The following UGGT2 variants were observed in gnomAD, a reference collection of about 807,000 sequenced individuals.
UGGT2 encodes the protein UDP-glucose glycoprotein glucosyltransferase 2.
A neutral mutation model predicts 192.1 loss-of-function variants in UGGT2; 180 were observed. The observed-to-expected ratio is 0.94, with a 90% CI of 0.83 to 1.06. The LOEUF (loss-of-function observed/expected upper bound fraction) is 1.06, where lower values mean the gene tolerates loss of function less well. Ranked by LOEUF, UGGT2 falls within the 50% of genes least tolerant of loss-of-function variation. The pLI, the probability that UGGT2 is intolerant of heterozygous loss-of-function variation, is 0.00. For synonymous variants in UGGT2, 580 were observed against 591.0 expected (o/e 0.98, Z 0.27); for missense variants, 1,849 against 1,795.7 (o/e 1.03, Z -0.54).
chr13:95,986,489 T>C (rs2051293292), intron 8 of UGGT2, 57 bp from the exon 9 acceptor site: 1 of 1,246,404 alleles, frequency 8.0e-7, no homozygotes, highest in African/African-American at 1.5e-5. Flanking sequence ...TTATAGACAT[T>C]TCCATGAAAT....
At chr13:95,875,994 A>G (rs562036083) in intron 29 of UGGT2, among the ~76,000 whole-genome samples, 6 of 152,328 alleles carry the variant, frequency 3.9e-5, no homozygotes, top group African/African-American at 1.4e-4. Flanking sequence ...TGGCCAGTAA[A>G]CCAAATCAGG....
At chr13:95,862,605 A>G (rs1365853084) in intron 31 of UGGT2, among the ~76,000 whole-genome samples, 1 of 152,154 alleles carries the variant, frequency 6.6e-6, no homozygotes, top group East Asian at 1.9e-4. Context: ...CACAGAAATC[A>G]GTTCAGTTTG....
intron 20 of UGGT2, among the ~76,000 whole-genome samples, chr13:95,904,134 T>C (rs2048198089): frequency 2.6e-5 from 4 of 152,080 alleles, no homozygotes; most frequent in Admixed American, 2.6e-4. Flanking sequence ...TCCCATTCTA[T>C]GGCTTGTTTT....
chr13:95,959,575 C>T (rs2050323353), intron 12 of UGGT2, among the ~76,000 whole-genome samples: 1 of 152,292 alleles, frequency 6.6e-6, no homozygotes, highest in African/African-American at 2.4e-5. Flanking sequence ...CATCTGAGCA[C>T]ACCTCCCAGT....
At chr13:95,959,133 G>C (rs911298026) in intron 12 of UGGT2, among the ~76,000 whole-genome samples, 3 of 152,196 alleles carry the variant, frequency 2.0e-5, no homozygotes, top group Non-Finnish European at 4.4e-5. Context: ...GGGTCCCACT[G>C]ACATTCCCTG....
chr13:95,994,651 A>T (rs972672176), intron 7 of UGGT2, among the ~76,000 whole-genome samples: 1 of 151,998 alleles, frequency 6.6e-6, no homozygotes, highest in East Asian at 1.9e-4. Context: ...AAAACTTCCT[A>T]AACAAGTATG....
At chr13:95,854,171 GTGAC>G in intron 35 of UGGT2, 140 bp downstream of exon 35, 1 of 802,400 alleles carries the variant, frequency 1.2e-6, no homozygotes, top group Non-Finnish European at 1.9e-6. Flanking sequence ...GCTTACAAGA[GTGAC>G]TGGCATGAAA....
rs139767384 is a variant in UGGT2, at chr13:95,806,212, C to A, written c.4529-4400G>T. Among the ~76,000 whole-genome samples the A allele has an allele frequency of 2.1e-3, 319 of 152,192 alleles. 3 individuals are homozygous for A. Among genetic ancestry groups the A allele is most frequent in the African/African-American group, 7.2e-3 (299 of 41,512 alleles). ...AAGAAAAAAGATGTCAATTCAGCAA[C>A]CCAACTTTGTAGCTTAGGGAGCTGT... On this transcript the variant is annotated intron_variant, in intron 38 of 38. Coordinates refer to ENST00000376747, the MANE Select transcript of UGGT2 (RefSeq NM_020121.4).
At position 95,927,466 on chromosome 13, in the gene UGGT2, CTTTCTTTT is replaced by C. The variant is rs2049059719; in HGVS notation, c.1978-138_1978-131del. ...ATTTAGAATTATTACAATACATTTTCTTTCTTTTTTTTTTTTTTTTTTATTCTTCAGTT... is the reference window on the plus strand; with the variant it reads ...ATTTAGAATTATTACAATACATTTTCTTTTTTTTTTTTTTATTCTTCAGTT... On this transcript the variant is annotated intron_variant, in intron 17 of 38. Coordinates refer to ENST00000376747, the MANE Select transcript of UGGT2 (RefSeq NM_020121.4). 8.6e-4 allele frequency: 509 copies of C among 590,048 alleles called. 1 individual carries two copies. The highest frequency in any genetic ancestry group is 9.9e-4 in the Non-Finnish European group (384 of 389,358). The allele number at this position is 590,048 out of a possible 1,614,324, so 36.6% of individuals were successfully genotyped here.
At chr13:96,009,765 G>A (rs1305431704) in intron 5 of UGGT2, among the ~76,000 whole-genome samples, 10 of 152,214 alleles carry the variant, frequency 6.6e-5, no homozygotes, top group East Asian at 1.9e-4. Context: ...CCGAGATCGC[G>A]CCACTGCACT....
At chr13:95,894,798 A>T (rs2047900599) in intron 23 of UGGT2, 141 bp from the exon 24 acceptor site, 1 of 629,720 alleles carries the variant, frequency 1.6e-6, no homozygotes, top group Non-Finnish European at 2.7e-6. Flanking sequence ...AGACCTACGT[A>T]TAATAGCATT....
intron 20 of UGGT2, among the ~76,000 whole-genome samples, chr13:95,905,690 G>C (rs1416578338): frequency 6.6e-6 from 1 of 152,070 alleles, no homozygotes; most frequent in Non-Finnish European, 1.5e-5. Context: ...TGCTGTTTTG[G>C]TTACTGTAGC....
intron 2 of UGGT2, among the ~76,000 whole-genome samples, chr13:96,028,920 C>T (rs981378624): frequency 1.3e-5 from 2 of 151,916 alleles, no homozygotes; most frequent in African/African-American, 2.4e-5. Context: ...CCGAGGTGGG[C>T]GGATCACGAG....
intron 12 of UGGT2, among the ~76,000 whole-genome samples, chr13:95,969,583 A>T (rs1423782188): frequency 6.6e-6 from 1 of 152,228 alleles, no homozygotes; most frequent in Non-Finnish European, 1.5e-5. Context: ...TAGTGAAAAG[A>T]ACGTTTCACA....
At chr13:95,975,138 C>T (rs2050896745) in intron 10 of UGGT2, among the ~76,000 whole-genome samples, 1 of 152,076 alleles carries the variant, frequency 6.6e-6, no homozygotes, top group Non-Finnish European at 1.5e-5. Flanking sequence ...AGAAAGTATT[C>T]ACCTAAGGAC....
chr13:95,869,480 T>G (rs1046199483), intron 29 of UGGT2, among the ~76,000 whole-genome samples: 3 of 152,202 alleles, frequency 2.0e-5, no homozygotes, highest in Admixed American at 6.5e-5. Context: ...TCCACAATGG[T>G]TGAACTAGTT....
At chr13:95,822,578 T>C (rs940552424) in intron 38 of UGGT2, among the ~76,000 whole-genome samples, 10 of 152,142 alleles carry the variant, frequency 6.6e-5, no homozygotes, top group Non-Finnish European at 1.5e-4. Flanking sequence ...TCCAGTACTA[T>C]GCTAATAGTT....
chr13:96,023,437 A>G (rs2052572476), intron 3 of UGGT2, among the ~76,000 whole-genome samples, 192 bp downstream of exon 3: 1 of 152,134 alleles, frequency 6.6e-6, no homozygotes, highest in African/African-American at 2.4e-5. Flanking sequence ...ATCCCAAATA[A>G]CTATAAAAAT....
chr13:95,921,769 CA>C (rs1206445226), intron 20 of UGGT2, among the ~76,000 whole-genome samples: 2 of 151,738 alleles, frequency 1.3e-5, no homozygotes, highest in East Asian at 3.9e-4. Context: ...ATTAAAAAGT[CA>C]AAAAAATAAC....
Sources: gnomAD v4.1 joint callset for allele counts (sites outside exome capture counted in the v4.1 genomes callset) on GRCh38, gnomAD v4.1.1 for gene constraint, MANE v1.5 for transcripts, NCBI Gene and HGNC (gene_info 2026-07-23, HGNC 2026-07-21) for gene names.